DIAPH2: variants seen among roughly 807,000 people sequenced by gnomAD.
DIAPH2 encodes the protein protein diaphanous homolog 2.
In DIAPH2, 35 loss-of-function variants were observed where a neutral mutation model predicts 92.7. The observed-to-expected ratio is 0.38, with a 90% CI of 0.29 to 0.50. The LOEUF is 0.50. DIAPH2 is among the 20% of genes least tolerant of loss of function. The probability of loss-of-function intolerance (pLI) is 0.94; values close to 1 mark genes in which losing one functional copy is unlikely to be tolerated. For synonymous variants in DIAPH2, 301 were observed against 280.4 expected (o/e 1.07, Z -0.73); for missense variants, 701 against 819.5 (o/e 0.86, Z 1.77).
intron 26 of DIAPH2, among the ~76,000 whole-genome samples, chrX:97,590,333 G>A (rs1478844696): frequency 9.0e-6 from 1 of 111,647 alleles, no homozygotes; most frequent in South Asian, 3.8e-4. Flanking sequence ...CAAGAAATAC[G>A]TAGCCCAGAC....
intron 14 of DIAPH2, among the ~76,000 whole-genome samples, chrX:96,948,410 T>TA (rs765804481): frequency 9.0e-6 from 1 of 110,688 alleles, no homozygotes; most frequent in African/African-American, 3.3e-5. Flanking sequence ...CCATCTCTAC[T>TA]AAAAATACAA....
intron 4 of DIAPH2, among the ~76,000 whole-genome samples, chrX:96,835,855 C>A (rs2064882760): frequency 9.1e-6 from 1 of 110,487 alleles, no homozygotes; most frequent in Admixed American, 9.7e-5. Flanking sequence ...CTCCAGTTGC[C>A]CAGACTGGAG....
intron 24 of DIAPH2, among the ~76,000 whole-genome samples, chrX:97,358,738 A>C (rs2069293110): frequency 1.8e-5 from 2 of 111,221 alleles, no homozygotes; most frequent in Non-Finnish European, 3.8e-5. Flanking sequence ...TTGTAGAAAA[A>C]TTAGAAAATA....
chrX:96,751,489 T>C (rs1295961133), intron 3 of DIAPH2, among the ~76,000 whole-genome samples: 2 of 100,554 alleles, frequency 2.0e-5, no homozygotes, highest in African/African-American at 7.3e-5. Flanking sequence ...GGCAGGAGAA[T>C]GGCGTGAACC....
At position 97,323,925 on chromosome X, in the gene DIAPH2, ATAAG is replaced by A. The variant is rs1168379063; in HGVS notation, c.2845-24186_2845-24183del. Among the ~76,000 whole-genome samples the A allele has an allele frequency of 7.4e-5, 8 of 108,757 alleles. No individual in the cohort carries two copies. The East Asian group carries it at 8.5e-4, about 12-fold the overall frequency. The allele number at this position is 108,757 out of a possible 115,157, so 94.4% of individuals were successfully genotyped here. A position where few individuals can be genotyped will look rare whatever the true frequency, so the allele number is the denominator to read the frequency against. On this transcript the variant is annotated intron_variant, in intron 23 of 26. Coordinates refer to ENST00000324765, the MANE Select transcript of DIAPH2 (RefSeq NM_006729.5). ...TCTCAAAAAAAAAAAAAAAAAAAAA[ATAAG>A]TAAGCTCAGAAAAAGAGGCTCTTTA...
intron 1 of DIAPH2, among the ~76,000 whole-genome samples, chrX:96,702,975 G>A (rs2147526477): frequency 9.0e-6 from 1 of 111,603 alleles, no homozygotes; most frequent in South Asian, 3.8e-4. Context: ...CCATCACATG[G>A]GGTGGGGGTT....
chrX:97,590,435 A>G (rs2071509737), intron 26 of DIAPH2, among the ~76,000 whole-genome samples: 1 of 112,471 alleles, frequency 8.9e-6, no homozygotes, highest in Non-Finnish European at 1.9e-5. Context: ...AGGTAAGTGT[A>G]TTCTAAGTCA....
chrX:96,724,004 A>G (rs924104613), intron 1 of DIAPH2, among the ~76,000 whole-genome samples: 1 of 102,551 alleles, frequency 9.8e-6, no homozygotes, highest in African/African-American at 3.6e-5. Flanking sequence ...GCTCACTGCA[A>G]CCACTGCCTC....
chrX:97,418,320 C>G (rs749831406), intron 25 of DIAPH2, among the ~76,000 whole-genome samples: 1 of 112,360 alleles, frequency 8.9e-6, no homozygotes, highest in East Asian at 2.8e-4. Flanking sequence ...GACTTGTCAA[C>G]TCATTCCCTG....
chrX:97,258,355 C>G (rs759441819), intron 23 of DIAPH2, among the ~76,000 whole-genome samples: 3 of 111,847 alleles, frequency 2.7e-5, no homozygotes, highest in Non-Finnish European at 5.6e-5. Context: ...GGGTGGATCA[C>G]CTGAGGTCAG....
At chrX:97,043,370 C>G (rs763467838) in intron 17 of DIAPH2, among the ~76,000 whole-genome samples, 28 of 110,837 alleles carry the variant, frequency 2.5e-4, no homozygotes, top group Non-Finnish European at 4.9e-4. Context: ...ATTGAAAGGC[C>G]AAAGCAGAGG....
At chrX:96,904,418 T>C (rs2147773805) in intron 5 of DIAPH2, among the ~76,000 whole-genome samples, 1 of 112,332 alleles carries the variant, frequency 8.9e-6, no homozygotes, top group South Asian at 3.7e-4. Flanking sequence ...AAAGCTATTG[T>C]GTTTGCTTTC....
At chrX:96,802,896 A>G (rs1159501755) in intron 4 of DIAPH2, among the ~76,000 whole-genome samples, 1 of 111,750 alleles carries the variant, frequency 8.9e-6, no homozygotes, top group Non-Finnish European at 1.9e-5. Context: ...GCAAATCACT[A>G]GTGTAAGTGC....
chrX:97,304,626 G>A (rs904587165), intron 23 of DIAPH2, among the ~76,000 whole-genome samples: 9 of 112,295 alleles, frequency 8.0e-5, no homozygotes, highest in Non-Finnish European at 1.7e-4. Flanking sequence ...TTCATCTCAC[G>A]ATGTTTGATT....
At chrX:97,480,405 C>T (rs1322394871) in intron 26 of DIAPH2, among the ~76,000 whole-genome samples, 1 of 111,504 alleles carries the variant, frequency 9.0e-6, no homozygotes, top group Admixed American at 9.5e-5. Context: ...GTGTCCAGAG[C>T]TGTGAGAGAA....
At chrX:97,003,039 T>C (rs1295032984) in intron 17 of DIAPH2, among the ~76,000 whole-genome samples, 1 of 111,891 alleles carries the variant, frequency 8.9e-6, no homozygotes, top group African/African-American at 3.2e-5. Context: ...AGTGAGAATA[T>C]GTGAAGTTTC....
At chrX:97,004,130 C>CT (rs1303077820) in intron 17 of DIAPH2, among the ~76,000 whole-genome samples, 2 of 111,541 alleles carry the variant, frequency 1.8e-5, no homozygotes, top group Non-Finnish European at 3.8e-5. Context: ...GTTCTCTATT[C>CT]TGTTCCATTT....
At chrX:97,325,497 T>A (rs1233587070) in intron 23 of DIAPH2, among the ~76,000 whole-genome samples, 1 of 111,991 alleles carries the variant, frequency 8.9e-6, no homozygotes, top group Non-Finnish European at 1.9e-5. Context: ...TACTCAGCTG[T>A]CTTAGACAAG....
chrX:96,907,585 T>A (rs2065441651), intron 5 of DIAPH2, among the ~76,000 whole-genome samples: 1 of 112,108 alleles, frequency 8.9e-6, no homozygotes, highest in Non-Finnish European at 1.9e-5. Flanking sequence ...GGAAGTCACT[T>A]AACTACTTTG....
Sources: allele counts gnomAD v4.1 joint callset (sites outside exome capture counted in the v4.1 genomes callset), GRCh38; gene constraint gnomAD v4.1.1; transcripts MANE v1.5; gene names NCBI Gene and HGNC (gene_info 2026-07-23, HGNC 2026-07-21).